The following KCNB2 variants were observed in gnomAD, a reference collection of about 807,000 sequenced individuals.
KCNB2 encodes potassium voltage-gated channel subfamily B member 2, also known as delayed rectifier potassium channel protein.
Under a neutral mutation model 61.5 loss-of-function variants are expected in KCNB2, and 15 were observed. The ratio of observed to expected loss-of-function variants is 0.24; its 90% CI spans 0.16 to 0.38. The LOEUF (loss-of-function observed/expected upper bound fraction) is 0.38, where lower values mean the gene tolerates loss of function less well. Ranked by LOEUF, KCNB2 falls within the 10% of genes least tolerant of loss-of-function variation. KCNB2 has a pLI of 1.00. For missense variants in KCNB2, 828 were observed against 1,125.2 expected (o/e 0.74, Z 3.78); for synonymous variants, 457 against 446.0 (o/e 1.02, Z -0.31).
At chr8:72,860,544 A>G (rs1810283369) in intron 2 of KCNB2, among the ~76,000 whole-genome samples, 1 of 152,242 alleles carries the variant, frequency 6.6e-6, no homozygotes, top group Non-Finnish European at 1.5e-5. Flanking sequence ...GGTAATGGGC[A>G]GAGTCCTTCA....
chr8:72,702,569 G>A (rs1228959035), intron 2 of KCNB2, among the ~76,000 whole-genome samples: 2 of 152,124 alleles, frequency 1.3e-5, no homozygotes, highest in South Asian at 2.1e-4. Flanking sequence ...TGGAAAGGAG[G>A]GGAGGGCTGA....
intron 2 of KCNB2, among the ~76,000 whole-genome samples, chr8:72,637,764 A>G (rs928632327): frequency 6.6e-6 from 1 of 152,172 alleles, no homozygotes; most frequent in Non-Finnish European, 1.5e-5. Flanking sequence ...CTGTTCAACT[A>G]CAGCTCACTA....
chr8:72,582,810 G>T (rs1245359985), intron 2 of KCNB2, among the ~76,000 whole-genome samples: 2 of 151,902 alleles, frequency 1.3e-5, no homozygotes, highest in Non-Finnish European at 2.9e-5. Context: ...TTGTAGAGAC[G>T]AGGTCTTGGG....
At chr8:72,614,944 T>C (rs1040273861) in intron 2 of KCNB2, among the ~76,000 whole-genome samples, 1 of 152,126 alleles carries the variant, frequency 6.6e-6, no homozygotes, top group African/African-American at 2.4e-5. Context: ...GCAGAGGCTA[T>C]GTATTGTCCC....
intron 2 of KCNB2, among the ~76,000 whole-genome samples, chr8:72,601,446 G>A (rs886658258): frequency 1.3e-5 from 2 of 152,174 alleles, no homozygotes; most frequent in Non-Finnish European, 2.9e-5. Flanking sequence ...AGAAAAGGAG[G>A]CAAAATTGGA....
At chr8:72,904,500 C>T (rs1222395981) in intron 2 of KCNB2, among the ~76,000 whole-genome samples, 1 of 151,774 alleles carries the variant, frequency 6.6e-6, no homozygotes, top group Non-Finnish European at 1.5e-5. Flanking sequence ...ACATCCCACA[C>T]GTGTACCCCT....
chr8:72,797,591 A>G (rs934313842), intron 2 of KCNB2, among the ~76,000 whole-genome samples: 2 of 152,214 alleles, frequency 1.3e-5, no homozygotes, highest in Non-Finnish European at 2.9e-5. Context: ...TAGCTTAATA[A>G]AGTGAAATGA....
chr8:72,551,767 C>T (rs1563520561), intron 1 of KCNB2, among the ~76,000 whole-genome samples: 1 of 152,192 alleles, frequency 6.6e-6, no homozygotes, highest in Non-Finnish European at 1.5e-5. Context: ...ACACTAATAT[C>T]AGCATCCTTT....
chr8:72,756,534 T>G (rs1273137278), intron 2 of KCNB2, among the ~76,000 whole-genome samples: 2 of 152,224 alleles, frequency 1.3e-5, no homozygotes, highest in Non-Finnish European at 2.9e-5. Context: ...TGGCTAATTA[T>G]AACATATTTT....
intron 2 of KCNB2, among the ~76,000 whole-genome samples, chr8:72,874,708 G>T (rs1031810059): frequency 2.0e-5 from 3 of 152,166 alleles, no homozygotes; most frequent in Non-Finnish European, 2.9e-5. Flanking sequence ...GTCCTACAAG[G>T]CCCAAAGGCC....
chr8:72,573,421 A>G (rs953138008), intron 2 of KCNB2, among the ~76,000 whole-genome samples: 3 of 152,334 alleles, frequency 2.0e-5, no homozygotes, highest in African/African-American at 7.2e-5. Context: ...TCTGATGACC[A>G]TCTTAGTGGT....
At chr8:72,561,718 T>TAC (rs1806520825) in intron 1 of KCNB2, among the ~76,000 whole-genome samples, 2 of 23,394 alleles carry the variant, frequency 8.5e-5, no homozygotes, top group African/African-American at 4.6e-4. Flanking sequence ...TATATATATA[T>TAC]ATATATATAT....
chr8:72,936,661 A>C lies in KCNB2; in HGVS notation c.1306A>C (p.Arg436=), dbSNP rs777500761. The part of the protein sequence containing the change: ...EQKRQEKAIK[R]REALERAKRN... ...GAAACGCCAAGAGAAAGCAATTAAA[A>C]GGAGGGAGGCTCTTGAGCGGGCCAA... Residue 436 remains arginine, a synonymous_variant, in exon 3 of 3, where the codon AGG becomes CGG. Transcript: ENST00000523207. This position sits in a 1 kb window ranked among gnomAD's most constrained non-coding sequence, Gnocchi z 5.6. The C allele has an allele frequency of 6.2e-7, 1 of 1,614,172 alleles. No homozygotes were observed. The highest frequency in any genetic ancestry group is 8.5e-7 in the Non-Finnish European group (1 of 1,180,032).
At chr8:72,664,902 A>C (rs1213204191) in intron 2 of KCNB2, among the ~76,000 whole-genome samples, 1 of 152,232 alleles carries the variant, frequency 6.6e-6, no homozygotes, top group African/African-American at 2.4e-5. Flanking sequence ...AGATAGGCTA[A>C]GGAAACAGCA....
intron 2 of KCNB2, among the ~76,000 whole-genome samples, chr8:72,710,618 G>A (rs1447242875): frequency 6.6e-6 from 1 of 152,166 alleles, no homozygotes; most frequent in Non-Finnish European, 1.5e-5. Flanking sequence ...TGACTTACCA[G>A]TGGCCTGGCT....
chr8:72,814,893 G>C (rs1198897879), intron 2 of KCNB2, among the ~76,000 whole-genome samples: 1 of 152,100 alleles, frequency 6.6e-6, no homozygotes, highest in Non-Finnish European at 1.5e-5. Context: ...GAAAACAGTG[G>C]GCTGAGCTAT....
chr8:72,694,113 A>G (rs2128990393), intron 2 of KCNB2, among the ~76,000 whole-genome samples: 2 of 152,366 alleles, frequency 1.3e-5, no homozygotes, highest in South Asian at 4.1e-4. Context: ...TATCATAACT[A>G]CATCATGAAC....
intron 2 of KCNB2, among the ~76,000 whole-genome samples, chr8:72,844,110 G>A (rs2129002824): frequency 6.6e-6 from 1 of 152,258 alleles, no homozygotes; most frequent in South Asian, 2.1e-4. Flanking sequence ...CTTCCTTCAG[G>A]AGCTCTTGTT....
At chr8:72,850,283 G>A (rs186988275) in intron 2 of KCNB2, among the ~76,000 whole-genome samples, 10 of 151,054 alleles carry the variant, frequency 6.6e-5, no homozygotes, top group South Asian at 2.1e-4. Flanking sequence ...GCTGGGGTAC[G>A]ATCTTGGCTC....
Sources: gnomAD v4.1 joint callset for allele counts (sites outside exome capture counted in the v4.1 genomes callset) on GRCh38, gnomAD v4.1.1 for gene constraint, Gnocchi (gnomAD v3.1) non-coding constraint, MANE v1.5 for transcripts, NCBI Gene and HGNC (gene_info 2026-07-23, HGNC 2026-07-21) for gene names.